The following RBM33 variants were observed in gnomAD, a reference collection of about 807,000 sequenced individuals.
The protein encoded by RBM33 is RNA-binding protein 33.
A neutral mutation model predicts 132.6 loss-of-function variants in RBM33; 28 were observed. That is an observed-to-expected ratio of 0.21 (90% CI 0.16 to 0.29). RBM33 has a LOEUF of 0.29. RBM33 is among the 10% of genes least tolerant of loss of function. The pLI is 1.00. For synonymous variants in RBM33, 634 were observed against 593.0 expected (o/e 1.07, Z -1.01); for missense variants, 1,291 against 1,518.5 (o/e 0.85, Z 2.49).
intron 6 of RBM33, among the ~76,000 whole-genome samples, chr7:155,706,493 C>CG (rs570969872): frequency 1.1e-4 from 16 of 151,876 alleles, no homozygotes; most frequent in East Asian, 9.7e-4. Context: ...GACTCTGTCT[C>CG]GGGGGGAAAA....
chr7:155,727,050 C>G (rs10249944), intron 9 of RBM33, among the ~76,000 whole-genome samples: 36,441 of 152,150 alleles, frequency 0.24, 4,624 homozygotes, highest in African/African-American at 0.32. Flanking sequence ...GGCTGTGAAC[C>G]AGGCTGCGTT....
At chr7:155,658,485 A>G (rs564604816) in intron 1 of RBM33, among the ~76,000 whole-genome samples, 3 of 149,340 alleles carry the variant, frequency 2.0e-5, no homozygotes, top group African/African-American at 7.4e-5. Context: ...GCCCACTGCA[A>G]CCTCCGCGGG....
Position 155,760,936 on chromosome 7 carries a change from G to A in RBM33, c.2980-2876G>A, listed in dbSNP as rs191473345. ...CATTTTCATGTGGGGGTTGGGGGTA[G>A]CCCCTGTAAGACAGGAGCGACTCCC... is the stretch of plus-strand genomic sequence containing the variant. On this transcript the variant is annotated intron_variant, in intron 14 of 17. Transcript: ENST00000401878. Among the ~76,000 whole-genome samples the A allele has an allele frequency of 7.2e-5, 11 of 152,300 alleles. No individual in the cohort carries two copies. The East Asian group carries it at 2.1e-3, about 29-fold the overall frequency.
chr7:155,653,103 C>T (rs1441371975), intron 1 of RBM33, among the ~76,000 whole-genome samples: 1 of 152,034 alleles, frequency 6.6e-6, no homozygotes, highest in Non-Finnish European at 1.5e-5. Flanking sequence ...ATATATCCTT[C>T]AATAGACACT....
At chr7:155,759,633 A>G (rs1012792732) in intron 14 of RBM33, among the ~76,000 whole-genome samples, 8 of 151,842 alleles carry the variant, frequency 5.3e-5, no homozygotes, top group African/African-American at 1.7e-4. Context: ...GTTAGCCAGG[A>G]TGGTCTCGAT....
At chr7:155,664,527 C>T (rs1221354239) in intron 1 of RBM33, among the ~76,000 whole-genome samples, 1 of 152,040 alleles carries the variant, frequency 6.6e-6, no homozygotes, top group African/African-American at 2.4e-5. Flanking sequence ...CCGCTTCGGC[C>T]TCCCAAAGTG....
chr7:155,653,090 A>G (rs1271451972), intron 1 of RBM33, among the ~76,000 whole-genome samples: 1 of 152,032 alleles, frequency 6.6e-6, no homozygotes, highest in East Asian at 1.9e-4. Flanking sequence ...TTTTTTTTAA[A>G]CCATATATCC....
Position 155,774,023 on chromosome 7 carries a change from C to T in RBM33, c.3376-536C>T, listed in dbSNP as rs1802524782. Among the ~76,000 whole-genome samples, 1 of 152,220 alleles carries T rather than the reference C, an allele frequency of 6.6e-6. No individual in the cohort carries two copies. The highest frequency in any genetic ancestry group is 6.5e-5 in the Admixed American group (1 of 15,278). On this transcript the variant is annotated intron_variant, in intron 16 of 17. Coordinates refer to ENST00000401878, the MANE Select transcript of RBM33 (RefSeq NM_053043.3). This position sits in a 1 kb window ranked among gnomAD's most constrained non-coding sequence, Gnocchi z 4.2. ...CAAACTCTTAAAGTACAAAATGTGA[C>T]CACGTTATGCTGATGTCTGCCCCAG... is the stretch of plus-strand genomic sequence containing the variant.
intron 3 of RBM33, among the ~76,000 whole-genome samples, chr7:155,673,940 GTTTTTTTTTT>G (rs71186053): frequency 9.2e-5 from 5 of 54,196 alleles, no homozygotes; most frequent in Non-Finnish European, 1.3e-4. Context: ...TTTAGGCTTA[GTTTTTTTTTT>G]TTTTTTTTTT....
intron 14 of RBM33, among the ~76,000 whole-genome samples, chr7:155,760,105 A>G (rs1026811060): frequency 3.3e-5 from 5 of 152,226 alleles, no homozygotes; most frequent in Non-Finnish European, 7.3e-5. Context: ...AGTACAGGCA[A>G]CTATTTACTG....
chr7:155,706,843 C>T lies in RBM33; in HGVS notation c.740-17C>T. Reference sequence around the variant, plus strand: ...GCTCTCGGAAAGTAACTAACACATACACATTTTTTCACATAGAGCTTTCAG... The same window carrying T: ...GCTCTCGGAAAGTAACTAACACATATACATTTTTTCACATAGAGCTTTCAG... On this transcript the variant is annotated splice_polypyrimidine_tract_variant and intron_variant, in intron 6 of 17. Coordinates refer to ENST00000401878, the MANE Select transcript of RBM33 (RefSeq NM_053043.3). The T allele has an allele frequency of 6.3e-7, 1 of 1,580,098 alleles. No individual in the cohort carries two copies. The highest frequency in any genetic ancestry group is 8.6e-7 in the Non-Finnish European group (1 of 1,162,210).
At chr7:155,710,167 C>T (rs1800240409) in intron 7 of RBM33, among the ~76,000 whole-genome samples, 1 of 152,190 alleles carries the variant, frequency 6.6e-6, no homozygotes, top group African/African-American at 2.4e-5. Context: ...GGCATCATCT[C>T]AGGGAAAATG....
intron 9 of RBM33, among the ~76,000 whole-genome samples, chr7:155,720,226 G>A (rs538257058): frequency 3.3e-5 from 5 of 152,276 alleles, no homozygotes; most frequent in Admixed American, 2.0e-4. Context: ...CTTAAGAAGT[G>A]TTCTCTTCAG....
At chr7:155,669,349 A>C (rs966870090) in intron 2 of RBM33, among the ~76,000 whole-genome samples, 2 of 152,080 alleles carry the variant, frequency 1.3e-5, no homozygotes, top group African/African-American at 4.8e-5. Flanking sequence ...ATACCCACTC[A>C]AAAAGTTTTT....
chr7:155,690,299 C>CT lies in RBM33; in HGVS notation c.567+9397dup, dbSNP rs1447421178. Among the ~76,000 whole-genome samples, 6 of 151,914 alleles carry CT rather than the reference C, an allele frequency of 3.9e-5. No individual in the cohort carries two copies. In the East Asian group the frequency reaches 9.7e-4, roughly 24 times the overall value. On this transcript the variant is annotated intron_variant, in intron 5 of 17. Coordinates refer to ENST00000401878, the MANE Select transcript of RBM33 (RefSeq NM_053043.3). The stretch of plus-strand genomic sequence containing the variant: ...CAGAGAGTAGGATTGTATCCCCTGC[C>CT]TTTTTTGTTTTGCATTTGCTTGGTG...
chr7:155,718,852 T>C (rs1800541895), intron 9 of RBM33, among the ~76,000 whole-genome samples: 1 of 152,170 alleles, frequency 6.6e-6, no homozygotes, highest in Non-Finnish European at 1.5e-5. Context: ...AGAGATCTCT[T>C]GTATTTTAAA....
intron 1 of RBM33, among the ~76,000 whole-genome samples, chr7:155,662,288 T>G (rs1798673685): frequency 6.6e-6 from 1 of 152,128 alleles, no homozygotes; most frequent in African/African-American, 2.4e-5. Context: ...TGTTTGAGAT[T>G]TGTTCTGACC....
intron 9 of RBM33, among the ~76,000 whole-genome samples, chr7:155,724,248 A>C (rs1160350814): frequency 6.6e-6 from 1 of 152,182 alleles, no homozygotes; most frequent in South Asian, 2.1e-4. Context: ...ATTATAAAGT[A>C]TCAAAAGCAA....
At chr7:155,717,281 G>T (rs933453666) in intron 8 of RBM33, among the ~76,000 whole-genome samples, 3 of 152,130 alleles carry the variant, frequency 2.0e-5, no homozygotes, top group African/African-American at 7.2e-5. Flanking sequence ...GGTGTGGGCA[G>T]GGCAGCTTCC....
Sources: allele counts gnomAD v4.1 joint callset (sites outside exome capture counted in the v4.1 genomes callset), GRCh38; gene constraint gnomAD v4.1.1; non-coding constraint Gnocchi (gnomAD v3.1); transcripts MANE v1.5; gene names NCBI Gene and HGNC (gene_info 2026-07-23, HGNC 2026-07-21).